Variants in EPHA6 observed in about 807,000 individuals in gnomAD.
EPHA6 encodes EPH receptor A6, also known as ephrin type-A receptor 6.
EPHA6 carries 50 observed loss-of-function variants against 112.0 expected under a neutral mutation model. That is an observed-to-expected ratio of 0.45 (90% CI 0.36 to 0.56). EPHA6 has a LOEUF of 0.56. Among genes scored for constraint, EPHA6 ranks in the 20% least tolerant of loss-of-function variants. EPHA6 has a pLI of 0.00. For missense variants in EPHA6, 1,280 were observed against 1,417.4 expected, an observed-to-expected ratio of 0.90 and a Z score of 1.56; for synonymous variants, 529 against 490.7, an observed-to-expected ratio of 1.08 and a Z score of -1.03.
At chr3:97,191,450 A>G (rs990788481) in intron 3 of EPHA6, among the ~76,000 whole-genome samples, 3 of 151,924 alleles carry the variant, frequency 2.0e-5, no homozygotes, top group Admixed American at 6.6e-5. Context: ...CCCATTAACC[A>G]TCACCCCTTC....
At chr3:97,459,420 A>G (rs1449052040) in intron 7 of EPHA6, among the ~76,000 whole-genome samples, 5 of 152,220 alleles carry the variant, frequency 3.3e-5, no homozygotes. Flanking sequence ...TAGAGAACCA[A>G]TGTCATCCTC....
intron 3 of EPHA6, among the ~76,000 whole-genome samples, chr3:97,076,928 A>T (rs367850022): frequency 8.5e-5 from 13 of 152,158 alleles, no homozygotes; most frequent in African/African-American, 2.7e-4. Context: ...AGAAAAAATG[A>T]TTCCTCTCAA....
At chr3:97,128,817 C>T (rs533030255) in intron 3 of EPHA6, among the ~76,000 whole-genome samples, 1 of 151,406 alleles carries the variant, frequency 6.6e-6, no homozygotes, top group South Asian at 2.1e-4. Context: ...GGTGCCTGAC[C>T]CCATTTTTAG....
At chr3:97,270,070 C>T (rs1366357612) in intron 5 of EPHA6, among the ~76,000 whole-genome samples, 1 of 152,064 alleles carries the variant, frequency 6.6e-6, no homozygotes, top group Non-Finnish European at 1.5e-5. Context: ...TCTTTCATAT[C>T]TTGAGTTTTT....
chr3:97,108,357 T>C (rs1268433014), intron 3 of EPHA6, among the ~76,000 whole-genome samples: 2 of 152,206 alleles, frequency 1.3e-5, no homozygotes, highest in Non-Finnish European at 2.9e-5. Flanking sequence ...ACCATTGATA[T>C]TTGCAGATTT....
At chr3:97,252,857 C>T (rs574325867) in intron 5 of EPHA6, among the ~76,000 whole-genome samples, 1 of 152,342 alleles carries the variant, frequency 6.6e-6, no homozygotes, top group East Asian at 1.9e-4. Flanking sequence ...TCTGCACAAG[C>T]CATACATTCA....
At chr3:97,654,190 A>G (rs964081437) in intron 14 of EPHA6, among the ~76,000 whole-genome samples, 1 of 152,106 alleles carries the variant, frequency 6.6e-6, no homozygotes, top group South Asian at 2.1e-4. Flanking sequence ...ACCTAGCTTG[A>G]TTGTGGTTAT....
At chr3:97,119,761 G>A (rs1576521747) in intron 3 of EPHA6, among the ~76,000 whole-genome samples, 1 of 152,070 alleles carries the variant, frequency 6.6e-6, no homozygotes, top group Non-Finnish European at 1.5e-5. Flanking sequence ...TCATGTTTTT[G>A]TATTATTTTA....
chr3:97,644,139 C>T (rs1250588111), intron 14 of EPHA6, among the ~76,000 whole-genome samples: 1 of 152,068 alleles, frequency 6.6e-6, no homozygotes, highest in Non-Finnish European at 1.5e-5. Flanking sequence ...GAATCTCACT[C>T]AAAACCGCTC....
chr3:97,561,222 A>G (rs951352926), intron 11 of EPHA6, among the ~76,000 whole-genome samples: 7 of 152,068 alleles, frequency 4.6e-5, no homozygotes, highest in Admixed American at 1.3e-4. Flanking sequence ...CTGGCGTTTA[A>G]ATCAAAGCTA....
chr3:96,978,570 A>G (rs1225725068), intron 2 of EPHA6, among the ~76,000 whole-genome samples: 4 of 152,098 alleles, frequency 2.6e-5, no homozygotes, highest in African/African-American at 9.7e-5. Flanking sequence ...ATTACTTTCT[A>G]TATTCTTGAA....
Position 97,226,370 on chromosome 3 carries a change from A to T in EPHA6, c.1221A>T (p.Glu407Asp), listed in dbSNP as rs768362929. Reference sequence around the variant, plus strand: ...AAGCAACTTCTGTCTGTCAGTGTGAAAAGGGTTATTTCCGAGCTGAAAAAG... The same window carrying T: ...AAGCAACTTCTGTCTGTCAGTGTGATAAGGGTTATTTCCGAGCTGAAAAAG... ...YMEATSVCQC[E>D]KGYFRAEKDP... Residue 407 changes from glutamate to aspartate, a missense_variant, in exon 4 of 18, where the codon GAA becomes GAT. Physicochemically the swap from Glu to Asp is conservative, Grantham distance 45 (BLOSUM62 2). Coordinates refer to ENST00000389672, the MANE Select transcript of EPHA6 (RefSeq NM_001080448.3). 6.2e-7 allele frequency: 1 copy of T among 1,613,784 alleles called. No individual in the cohort carries two copies. Among genetic ancestry groups the T allele is most frequent in the Non-Finnish European group, 8.5e-7 (1 of 1,179,724 alleles).
chr3:96,899,970 G>A (rs949063673), intron 2 of EPHA6, among the ~76,000 whole-genome samples: 1 of 152,070 alleles, frequency 6.6e-6, no homozygotes, highest in Non-Finnish European at 1.5e-5. Flanking sequence ...GTGAATTTCT[G>A]TTGATCTTAC....
rs371625511 is a variant in EPHA6 at position 97,289,678 on chromosome 3, T to C, written c.1606+45391T>C. On this transcript the variant is annotated intron_variant, in intron 5 of 17. Coordinates refer to ENST00000389672, the MANE Select transcript of EPHA6 (RefSeq NM_001080448.3). The stretch of plus-strand genomic sequence containing the variant: ...AGTATGGCCATTTTAATGTTATTGA[T>C]TCTTCCAATCCATGAGCATGGAATC... 4.3e-4 allele frequency among the ~76,000 whole-genome samples: 65 copies of C among 152,284 alleles called. No individual in the cohort carries two copies. In the East Asian group the frequency reaches 5.2e-3, roughly 12 times the overall value.
At chr3:96,840,239 TCTG>T (rs1468120395) in intron 1 of EPHA6, among the ~76,000 whole-genome samples, 1 of 152,118 alleles carries the variant, frequency 6.6e-6, no homozygotes, top group Non-Finnish European at 1.5e-5. Context: ...AGTTTGCTCT[TCTG>T]GTAACCAGAT....
intron 3 of EPHA6, among the ~76,000 whole-genome samples, chr3:97,170,922 A>G (rs1268394188): frequency 6.6e-6 from 1 of 152,166 alleles, no homozygotes; most frequent in Non-Finnish European, 1.5e-5. Flanking sequence ...TATGTTGAGG[A>G]TATTGTAAGC....
chr3:97,748,631 G>T lies in EPHA6; in HGVS notation c.3323G>T (p.Arg1108Leu), dbSNP rs753968593. 10 of 1,612,184 alleles carry T rather than the reference G, an allele frequency of 6.2e-6. No homozygotes were observed. Among genetic ancestry groups the T allele is most frequent in the Non-Finnish European group, 7.6e-6 (9 of 1,178,702 alleles). ...IGVILIGHQRRIVSSIQTLRL... is the reference protein window; with the variant it reads ...IGVILIGHQRLIVSSIQTLRL... ...GTCATACTTATTGGACACCAGAGAC[G>T]AATAGTCAGCAGCATACAGACTTTA... The change falls in exon 18 of 18, where the codon CGA (arginine) becomes CTA (leucine). Residue 1108 changes from arginine (R) to leucine (L), a missense_variant. Coordinates refer to ENST00000389672, the MANE Select transcript of EPHA6 (RefSeq NM_001080448.3).
intron 3 of EPHA6, among the ~76,000 whole-genome samples, chr3:97,214,086 T>A (rs1012003455): frequency 6.6e-6 from 1 of 150,792 alleles, no homozygotes; most frequent in Non-Finnish European, 1.5e-5. Flanking sequence ...TTGCCCAGGC[T>A]GGAGTGCAGT....
chr3:97,494,335 C>T (rs760947275), intron 10 of EPHA6, among the ~76,000 whole-genome samples: 24 of 152,174 alleles, frequency 1.6e-4, no homozygotes, highest in Non-Finnish European at 2.9e-4. Flanking sequence ...AAACTTTCCT[C>T]GCAGTAAGTG....
Sources: gnomAD v4.1 joint callset for allele counts (sites outside exome capture counted in the v4.1 genomes callset) on GRCh38, gnomAD v4.1.1 for gene constraint, MANE v1.5 for transcripts, NCBI Gene and HGNC (gene_info 2026-07-23, HGNC 2026-07-21) for gene names.